Variants in RAP1GAP2 observed in about 807,000 individuals in gnomAD.
The protein encoded by RAP1GAP2 is rap1 GTPase-activating protein 2.
RAP1GAP2 carries 27 observed loss-of-function variants against 95.0 expected under a neutral mutation model. The ratio of observed to expected loss-of-function variants is 0.28; its 90% CI spans 0.21 to 0.39. The LOEUF is 0.39. RAP1GAP2 is among the 10% of genes least tolerant of loss of function. The pLI is 1.00. For synonymous variants in RAP1GAP2, 373 were observed against 380.9 expected (o/e 0.98, Z 0.24); for missense variants, 771 against 970.0 (o/e 0.79, Z 2.72).
chr17:3,037,686 T>TAAAAG lies in RAP1GAP2; in HGVS notation c.*4325_*4326insAAAAG, dbSNP rs2047511208. The TAAAAG allele has an allele frequency of 6.6e-6, 1 of 152,550 alleles. No individual in the cohort carries two copies. Among genetic ancestry groups the TAAAAG allele is most frequent in the African/African-American group, 2.4e-5 (1 of 41,436 alleles). 9.4% of individuals were successfully genotyped at this position (152,550 alleles called of 1,614,324 possible). A position where few individuals can be genotyped will look rare whatever the true frequency, so the allele number is the denominator to read the frequency against. ...CTAAAAGGTTGACAAATGTATATTT[T>TAAAAG]GTTGCTTAAATGTGTCTTTGCAGAA... On this transcript the variant is annotated 3_prime_UTR_variant, in exon 25 of 25. Coordinates refer to ENST00000254695, the MANE Select transcript of RAP1GAP2 (RefSeq NM_015085.5).
chr17:3,020,591 C>G lies in RAP1GAP2; in HGVS notation c.1747C>G (p.Arg583Gly). 1 of 1,613,146 alleles carries G rather than the reference C, an allele frequency of 6.2e-7. No individual in the cohort carries two copies. The highest frequency in any genetic ancestry group is 8.5e-7 in the Non-Finnish European group (1 of 1,179,554). ...GSEGQGDSRA[R>G]CDSTSSTPKT... Reference sequence around the variant, plus strand: ...AGAAGGCCAGGGCGACAGCCGGGCACGATGGTAACTGTTGGGAAACCCCTA... The same window carrying G: ...AGAAGGCCAGGGCGACAGCCGGGCAGGATGGTAACTGTTGGGAAACCCCTA... The change falls in exon 19 of 25, where the codon CGA becomes GGA. Residue 583 changes from arginine to glycine, a missense_variant. Transcript: ENST00000254695.
chr17:2,865,114 C>G (rs889995801), intron 2 of RAP1GAP2, among the ~76,000 whole-genome samples: 3 of 152,278 alleles, frequency 2.0e-5, no homozygotes, highest in African/African-American at 7.2e-5. Flanking sequence ...TGTCTGGTGC[C>G]AAATTCTATG....
rs72817362 is a variant in RAP1GAP2 at position 2,796,925 on chromosome 17, C to T, written c.44+354C>T. Among the ~76,000 whole-genome samples, 10,116 of 151,988 alleles carry T rather than the reference C, an allele frequency of 0.067. 455 individuals carry two copies. Among genetic ancestry groups the T allele is most frequent in the East Asian group, 0.18 (910 of 5,154 alleles). On this transcript the variant is annotated intron_variant, in intron 1 of 24. Coordinates refer to ENST00000254695, the MANE Select transcript of RAP1GAP2 (RefSeq NM_015085.5). This position sits in a 1 kb window ranked among gnomAD's most constrained non-coding sequence, Gnocchi z 4.7. Reference sequence around the variant, plus strand: ...GATTATGTGTAAGTGTGTGTGTGCGCGTTTGAGCCTGTGTGTGCAGGCGTG... The same window carrying T: ...GATTATGTGTAAGTGTGTGTGTGCGTGTTTGAGCCTGTGTGTGCAGGCGTG...
intron 3 of RAP1GAP2, among the ~76,000 whole-genome samples, chr17:2,957,245 G>T (rs1007422381): frequency 2.6e-5 from 4 of 152,182 alleles, no homozygotes; most frequent in Non-Finnish European, 5.9e-5. Context: ...GTGGGCAGGG[G>T]ACCGGGCAGG....
intron 20 of RAP1GAP2, 35 bp downstream of exon 20, chr17:3,026,156 C>A: frequency 6.6e-7 from 1 of 1,514,042 alleles, no homozygotes; most frequent in Non-Finnish European, 9.1e-7. Flanking sequence ...CCAGCTTCGG[C>A]CACGTGGAGC....
At position 2,767,712 on chromosome 17, in the gene RAP1GAP2, A is replaced by G. The variant is rs988478516; in HGVS notation, c.51-2617A>G. ...TTATGGCCACACATGGCTTTACTAT[A>G]TGGATGTACCATAATTTATTATAGC... On this transcript the variant is annotated intron_variant, in intron 1 of 25. Coordinates refer to the RAP1GAP2 transcript ENST00000637138. 1.3e-4 allele frequency among the ~76,000 whole-genome samples: 19 copies of G among 151,052 alleles called. No homozygotes were observed. The Admixed American group carries it at 1.3e-3, about 10-fold the overall frequency.
rs1004574686 is a variant in RAP1GAP2, at chr17:2,841,221, T to A, written c.80+40671T>A. 6.6e-5 allele frequency among the ~76,000 whole-genome samples: 10 copies of A among 152,102 alleles called. No individual in the cohort carries two copies. The South Asian group carries it at 2.1e-3, about 32-fold the overall frequency. On this transcript the variant is annotated intron_variant, in intron 2 of 24. Transcript: ENST00000254695. ...TAATATTAATTTATAAAACATGAAG[T>A]CTTTTCAGTATTTAATTTAAAAATT... is the stretch of plus-strand genomic sequence containing the variant.
intron 3 of RAP1GAP2, among the ~76,000 whole-genome samples, chr17:2,907,745 C>T (rs1189795999): frequency 1.3e-5 from 2 of 152,122 alleles, no homozygotes; most frequent in Admixed American, 1.3e-4. Flanking sequence ...AACACCTGCA[C>T]CATTTGCGAG....
chr17:2,843,120 A>C (rs2071437050), intron 2 of RAP1GAP2, among the ~76,000 whole-genome samples: 2 of 151,976 alleles, frequency 1.3e-5, no homozygotes, highest in South Asian at 4.2e-4. Context: ...CAGCAACAAC[A>C]AAAAACCCAA....
At position 3,008,466 on chromosome 17, in the gene RAP1GAP2, C is replaced by T. The variant is rs187246890; in HGVS notation, c.1494+321C>T. Among the ~76,000 whole-genome samples, 43 of 152,276 alleles carry T rather than the reference C, an allele frequency of 2.8e-4. No individual in the cohort carries two copies. The highest frequency in any genetic ancestry group is 9.1e-4 in the African/African-American group (38 of 41,550). ...AGCTGGAGCAAGCCAGGAACATCGG[C>T]GCTTTCACCTGCCTCCTCCTGGGTT... On this transcript the variant is annotated intron_variant, in intron 17 of 24. Coordinates refer to ENST00000254695, the MANE Select transcript of RAP1GAP2 (RefSeq NM_015085.5). This position sits in a 1 kb window ranked among gnomAD's most constrained non-coding sequence, Gnocchi z 4.2.
chr17:2,856,057 T>C (rs903495762), intron 2 of RAP1GAP2, among the ~76,000 whole-genome samples: 4 of 152,074 alleles, frequency 2.6e-5, no homozygotes, highest in Admixed American at 1.3e-4. Flanking sequence ...AACTCTGGAG[T>C]GCAATGTTCC....
Position 3,019,167 on chromosome 17 carries a change from T to G in RAP1GAP2, c.1632+969T>G, listed in dbSNP as rs576443052. On this transcript the variant is annotated intron_variant, in intron 18 of 24. Transcript: ENST00000254695. ...ATGTGTACAGTTCCCAAGGGAAGGG[T>G]CCTGCAGGCCTGTGAGTTTGGGCCT... 5.3e-5 allele frequency among the ~76,000 whole-genome samples: 8 copies of G among 152,154 alleles called. No homozygotes were observed. The South Asian group carries it at 1.7e-3, about 32-fold the overall frequency.
intron 8 of RAP1GAP2, among the ~76,000 whole-genome samples, chr17:2,976,799 TC>T (rs1378066286): frequency 6.6e-6 from 1 of 151,848 alleles, no homozygotes; most frequent in African/African-American, 2.4e-5. Context: ...ACTAGTAAGA[TC>T]GATAAACCTC....
chr17:2,881,859 C>T (rs377210526), intron 2 of RAP1GAP2, among the ~76,000 whole-genome samples: 27 of 152,160 alleles, frequency 1.8e-4, no homozygotes, highest in Non-Finnish European at 3.2e-4. Flanking sequence ...CTCGCTATGT[C>T]GCCCAAGCTG....
chr17:2,942,988 T>A (rs536387817), intron 3 of RAP1GAP2, among the ~76,000 whole-genome samples: 1 of 151,990 alleles, frequency 6.6e-6, no homozygotes. Flanking sequence ...AGGCTGGTCT[T>A]GAACTCCTGA....
intron 2 of RAP1GAP2, among the ~76,000 whole-genome samples, chr17:2,816,125 T>A (rs373639097): frequency 6.6e-6 from 1 of 151,600 alleles, no homozygotes; most frequent in Admixed American, 6.6e-5. Flanking sequence ...CTGGTAAAAA[T>A]AGGCGGGGGA....
intron 2 of RAP1GAP2, among the ~76,000 whole-genome samples, chr17:2,894,468 A>G (rs965557828): frequency 6.6e-6 from 1 of 152,066 alleles, no homozygotes; most frequent in African/African-American, 2.4e-5. Context: ...CCAAAGCCCT[A>G]CATGCTGTCC....
At chr17:2,929,118 AACT>A (rs2043058608) in intron 3 of RAP1GAP2, among the ~76,000 whole-genome samples, 1 of 152,136 alleles carries the variant, frequency 6.6e-6, no homozygotes, top group Non-Finnish European at 1.5e-5. Flanking sequence ...CTGTAGTCCC[AACT>A]ACTTGGGAGG....
chr17:2,818,804 C>T (rs1196614011), intron 2 of RAP1GAP2, among the ~76,000 whole-genome samples: 8 of 152,150 alleles, frequency 5.3e-5, no homozygotes, highest in Non-Finnish European at 1.2e-4. Flanking sequence ...AGCTGTGAGA[C>T]CTCAGGCAGG....
Sources: allele counts gnomAD v4.1 joint callset (sites outside exome capture counted in the v4.1 genomes callset), GRCh38; gene constraint gnomAD v4.1.1; non-coding constraint Gnocchi (gnomAD v3.1); transcripts MANE v1.5; gene names NCBI Gene and HGNC (gene_info 2026-07-23, HGNC 2026-07-21).